The following TBCD variants were observed in gnomAD, a reference collection of about 807,000 sequenced individuals.
The protein encoded by TBCD is tubulin folding cofactor D.
A neutral mutation model predicts 169.3 loss-of-function variants in TBCD; 105 were observed. That is an observed-to-expected ratio of 0.62 (90% CI 0.53 to 0.73). The LOEUF is 0.73. TBCD is among the 30% of genes least tolerant of loss of function. The pLI is 0.00. For synonymous variants in TBCD, 700 were observed against 643.9 expected (o/e 1.09, Z -1.32); for missense variants, 1,444 against 1,600.1 (o/e 0.90, Z 1.66).
intron 24 of TBCD, 134 bp from the exon 25 acceptor site, chr17:82,921,367 T>C: frequency 1.4e-6 from 1 of 728,984 alleles, no homozygotes; most frequent in Non-Finnish European, 2.4e-6. Flanking sequence ...ATGTTCACTT[T>C]GGCTTTTCCA....
At chr17:82,824,157 A>G (rs1198728869) in intron 13 of TBCD, among the ~76,000 whole-genome samples, 1 of 151,824 alleles carries the variant, frequency 6.6e-6, no homozygotes, top group African/African-American at 2.4e-5. Context: ...GACATACCAT[A>G]TATTTATTTA....
chr17:82,893,165 C>T (rs2059261215), intron 16 of TBCD: 1 of 232,978 alleles, frequency 4.3e-6, no homozygotes, highest in South Asian at 6.4e-5. Flanking sequence ...AGCTTTGTGG[C>T]ACTTTGTGGC....
Position 82,890,701 on chromosome 17 carries a change from GC to G in TBCD, c.1563+1006del, listed in dbSNP as rs1405458630. 6.6e-6 allele frequency among the ~76,000 whole-genome samples: 1 copy of G among 152,184 alleles called. No homozygotes were observed. Among genetic ancestry groups the G allele is most frequent in the East Asian group, 1.9e-4 (1 of 5,184 alleles). ...GACTACTTCTTGCTGGCCCGAGGCA[GC>G]CGAGGCCCACCCAGCATCCTTGGGG... On this transcript the variant is annotated intron_variant, in intron 16 of 38. Transcript: ENST00000355528. The surrounding 1 kb of genome is among the most constrained non-coding windows in gnomAD (Gnocchi z 5.3).
intron 13 of TBCD, chr17:82,865,435 G>C: frequency 1.5e-5 from 15 of 983,662 alleles, no homozygotes; most frequent in Non-Finnish European, 1.8e-5. Context: ...CTGAGCAGTC[G>C]GGGAGACACC....
Position 82,864,770 on chromosome 17 carries a change from C to T in TBCD, c.1319-5454C>T, listed in dbSNP as rs537783338. Among the ~76,000 whole-genome samples, 13 of 152,076 alleles carry T rather than the reference C, an allele frequency of 8.5e-5. No homozygotes were observed. In the South Asian group the frequency reaches 1.5e-3, roughly 17 times the overall value. Reference sequence around the variant, plus strand: ...GAGAGCAGAGCAGGTGATGCATATCCGGGCGCCCACCCTAGCAGCACAGGA... The same window carrying T: ...GAGAGCAGAGCAGGTGATGCATATCTGGGCGCCCACCCTAGCAGCACAGGA... On this transcript the variant is annotated intron_variant, in intron 13 of 38. Coordinates refer to ENST00000355528, the MANE Select transcript of TBCD (RefSeq NM_005993.5). This position sits in a 1 kb window ranked among gnomAD's most constrained non-coding sequence, Gnocchi z 6.3.
chr17:82,817,013 T>A (rs897097785), intron 13 of TBCD, among the ~76,000 whole-genome samples: 16 of 152,226 alleles, frequency 1.1e-4, no homozygotes, highest in African/African-American at 3.9e-4. Context: ...TTTACTCATT[T>A]AAAAAAATAT....
chr17:82,895,845 T>G (rs1380485648), intron 17 of TBCD: 1 of 152,080 alleles, frequency 6.6e-6, no homozygotes, highest in Non-Finnish European at 1.5e-5. Flanking sequence ...ACACACAGAC[T>G]GGAATTGAAC....
At chr17:82,769,642 CG>C (rs2048202164) in intron 5 of TBCD, among the ~76,000 whole-genome samples, 1 of 152,044 alleles carries the variant, frequency 6.6e-6, no homozygotes, top group Admixed American at 6.6e-5. Context: ...TTTGGGAGGC[CG>C]GGGCGGGCAG....
intron 30 of TBCD, among the ~76,000 whole-genome samples, 190 bp downstream of exon 30, chr17:82,928,178 G>A (rs758848534): frequency 6.6e-5 from 10 of 152,164 alleles, no homozygotes; most frequent in East Asian, 3.9e-4. Flanking sequence ...TAGCCATGGC[G>A]TGAGCTGGGG....
chr17:82,771,039 C>T (rs1471106291), intron 5 of TBCD, among the ~76,000 whole-genome samples: 1 of 120,448 alleles, frequency 8.3e-6, no homozygotes, highest in Non-Finnish European at 1.6e-5. Flanking sequence ...CAGAGCAAGA[C>T]TCCGTCTCAA....
At chr17:82,788,309 T>C (rs2049454087) in intron 7 of TBCD, among the ~76,000 whole-genome samples, 1 of 152,108 alleles carries the variant, frequency 6.6e-6, no homozygotes, top group African/African-American at 2.4e-5. Context: ...ATAGTTGTGC[T>C]CTCTTGGTTT....
At chr17:82,917,555 C>T (rs1293642948) in intron 23 of TBCD, among the ~76,000 whole-genome samples, 1 of 152,220 alleles carries the variant, frequency 6.6e-6, no homozygotes, top group Non-Finnish European at 1.5e-5. Flanking sequence ...CAAGACATGA[C>T]AGAAATGCTT....
chr17:82,830,929 G>A (rs1319831754), intron 13 of TBCD: 1 of 1,613,102 alleles, frequency 6.2e-7, no homozygotes, highest in African/African-American at 1.3e-5. Context: ...AAAAGCAACT[G>A]CGTGAAGCAG....
chr17:82,818,927 G>A (rs2052166249), intron 13 of TBCD, among the ~76,000 whole-genome samples: 1 of 152,140 alleles, frequency 6.6e-6, no homozygotes, highest in African/African-American at 2.4e-5. Context: ...ATGTGGTGGT[G>A]CATGTCTGTA....
At chr17:82,812,468 C>T (rs967164397) in intron 12 of TBCD, among the ~76,000 whole-genome samples, 1 of 152,172 alleles carries the variant, frequency 6.6e-6, no homozygotes, top group African/African-American at 2.4e-5. Context: ...ACCCCAGAGC[C>T]CCCCCGCAGG....
intron 1 of TBCD, among the ~76,000 whole-genome samples, chr17:82,753,160 G>T (rs1028971849): frequency 7.2e-5 from 11 of 152,172 alleles, no homozygotes; most frequent in Non-Finnish European, 1.5e-4. Flanking sequence ...AAGAACTTTT[G>T]CATTATTTGG....
At chr17:82,822,635 C>A (rs911895683) in intron 13 of TBCD, among the ~76,000 whole-genome samples, 2 of 152,148 alleles carry the variant, frequency 1.3e-5, no homozygotes, top group Non-Finnish European at 2.9e-5. Context: ...CACGGGGGTG[C>A]AGTGGAAAGG....
intron 18 of TBCD, among the ~76,000 whole-genome samples, chr17:82,901,779 C>T (rs1404213620): frequency 2.0e-5 from 3 of 152,348 alleles, no homozygotes; most frequent in African/African-American, 4.8e-5. Context: ...AAGACCCTCC[C>T]TTCATTCGCT....
rs2053686660 is a variant in TBCD, at chr17:82,833,390, G to C, written c.1318+18456G>C. On this transcript the variant is annotated intron_variant, in intron 13 of 38. Coordinates refer to ENST00000355528, the MANE Select transcript of TBCD (RefSeq NM_005993.5). This position sits in a 1 kb window ranked among gnomAD's most constrained non-coding sequence, Gnocchi z 4.7. ...GTCGTTGGTGTATTCTAGTGTGCTT[G>C]TTTAAAAATGAAGAACATTCGAACA... Among the ~76,000 whole-genome samples the C allele has an allele frequency of 6.6e-6, 1 of 152,152 alleles. No homozygotes were observed. The highest frequency in any genetic ancestry group is 1.5e-5 in the Non-Finnish European group (1 of 68,024).
Sources: allele counts gnomAD v4.1 joint callset (sites outside exome capture counted in the v4.1 genomes callset), GRCh38; gene constraint gnomAD v4.1.1; non-coding constraint Gnocchi (gnomAD v3.1); transcripts MANE v1.5; gene names NCBI Gene and HGNC (gene_info 2026-07-23, HGNC 2026-07-21).